The following NOTCH2NLC variants were observed in gnomAD, a reference collection of about 807,000 sequenced individuals.
NOTCH2NLC encodes the protein notch homolog 2 N-terminal-like protein C.
A neutral mutation model predicts 17.7 loss-of-function variants in NOTCH2NLC; 4 were observed. That is an observed-to-expected ratio of 0.23 (90% CI 0.11 to 0.52). The LOEUF (loss-of-function observed/expected upper bound fraction) is 0.52. Among genes scored for constraint, NOTCH2NLC ranks in the 20% least tolerant of loss-of-function variants. The pLI, the probability that NOTCH2NLC is intolerant of heterozygous loss-of-function variation, is 0.96. For missense variants in NOTCH2NLC, 57 were observed against 207.2 expected, an observed-to-expected ratio of 0.28 and a Z score of 4.45; for synonymous variants, 18 against 86.0, an observed-to-expected ratio of 0.21 and a Z score of 4.38.
At chr1:149,431,572 TA>T (rs1218280360) in intron 2 of NOTCH2NLC, among the ~76,000 whole-genome samples, 1 of 136,022 alleles carries the variant, frequency 7.4e-6, no homozygotes, top group Non-Finnish European at 1.6e-5. Context: ...TAAAAAAAAA[TA>T]AAAAAATGTA....
At chr1:149,444,968 G>C (rs1247379982) in intron 2 of NOTCH2NLC, among the ~76,000 whole-genome samples, 3 of 149,950 alleles carry the variant, frequency 2.0e-5, no homozygotes, top group Admixed American at 1.3e-4. Flanking sequence ...TTGAGAAAAG[G>C]GGGGGTTGAG....
At chr1:149,422,805 TAAG>T (rs1246647553) in intron 1 of NOTCH2NLC, among the ~76,000 whole-genome samples, 1 of 120,822 alleles carries the variant, frequency 8.3e-6, no homozygotes, top group African/African-American at 3.2e-5. Flanking sequence ...AAGTCTTTAA[TAAG>T]AGAAAAATAA....
chr1:149,412,899 T>C (rs1224439526), intron 1 of NOTCH2NLC, among the ~76,000 whole-genome samples: 1 of 99,800 alleles, frequency 1.0e-5, no homozygotes, highest in Non-Finnish European at 2.0e-5. Context: ...GATGACTGAC[T>C]TTTTTTTTTT....
chr1:149,445,759 G>A (rs1264033921), intron 2 of NOTCH2NLC, among the ~76,000 whole-genome samples: 4 of 149,848 alleles, frequency 2.7e-5, no homozygotes, highest in Admixed American at 6.6e-5. Flanking sequence ...TTTCCCCTTC[G>A]TTCCACATTC....
In NOTCH2NLC at chr1:149,471,533, G is replaced by A. The variant is rs1170190346; in HGVS notation, c.*7380G>A. ...TTCTTTTACATGTGGATATTTAGTT[G>A]TCCCAGGACCATTTGTTGAATTAAG... On this transcript the variant is annotated 3_prime_UTR_variant, in exon 5 of 5. Coordinates refer to ENST00000650865, the MANE Select transcript of NOTCH2NLC (RefSeq NM_001364013.2). Among the ~76,000 whole-genome samples the A allele has an allele frequency of 2.0e-5, 3 of 150,322 alleles. No individual in the cohort carries two copies. Among genetic ancestry groups the A allele is most frequent in the Non-Finnish European group, 3.0e-5 (2 of 67,424 alleles).
At chr1:149,449,724 C>G (rs2084580823) in intron 2 of NOTCH2NLC, among the ~76,000 whole-genome samples, 1 of 151,288 alleles carries the variant, frequency 6.6e-6, no homozygotes. Context: ...AGACCACCAC[C>G]ATTATCTAAT....
At chr1:149,444,986 T>G (rs1425228588) in intron 2 of NOTCH2NLC, among the ~76,000 whole-genome samples, 1 of 149,022 alleles carries the variant, frequency 6.7e-6, no homozygotes, top group Non-Finnish European at 1.5e-5. Context: ...GAGAGTAGAG[T>G]GGGAATGGCA....
rs1389074972 is a variant in NOTCH2NLC at position 149,390,771 on chromosome 1, A to G, written c.-17A>G. 8 of 1,158,892 alleles carry G rather than the reference A, an allele frequency of 6.9e-6. No homozygotes were observed. Among genetic ancestry groups the G allele is most frequent in the Non-Finnish European group, 8.5e-6 (8 of 944,814 alleles). The allele number at this position is 1,158,892 out of a possible 1,614,324, so 71.8% of individuals were successfully genotyped here. A position where few individuals can be genotyped will look rare whatever the true frequency, so the allele number is the denominator to read the frequency against. ...GGGGAGGAGAGAGTGGGGCTCCTCT[A>G]TCGGGACCCCCTCCCCATGTGGATC... On this transcript the variant is annotated 5_prime_UTR_variant, in exon 1 of 5. Transcript: ENST00000650865.
At chr1:149,457,701 G>T (rs1445807945) in intron 3 of NOTCH2NLC, among the ~76,000 whole-genome samples, 55 of 145,376 alleles carry the variant, frequency 3.8e-4, no homozygotes, top group African/African-American at 1.4e-3. Context: ...CATCCAGCAC[G>T]GGAAAAAGAT....
At chr1:149,442,046 C>G (rs2084522508) in intron 2 of NOTCH2NLC, among the ~76,000 whole-genome samples, 1 of 147,730 alleles carries the variant, frequency 6.8e-6, no homozygotes, top group Non-Finnish European at 1.5e-5. Context: ...ATACACACTT[C>G]AGTCAGTTTT....
intron 1 of NOTCH2NLC, among the ~76,000 whole-genome samples, chr1:149,401,013 G>A (rs2084242668): frequency 6.7e-6 from 1 of 150,320 alleles, no homozygotes; most frequent in Admixed American, 6.6e-5. Flanking sequence ...TGTTGTTTTG[G>A]CAACCCATGG....
intron 2 of NOTCH2NLC, among the ~76,000 whole-genome samples, chr1:149,448,692 T>C (rs1463561290): frequency 1.3e-5 from 2 of 150,704 alleles, no homozygotes; most frequent in Admixed American, 6.6e-5. Flanking sequence ...AAGGTCATGG[T>C]TCAGCTCTGT....
rs1463538560 is a variant in NOTCH2NLC at position 149,466,318 on chromosome 1, G to C, written c.*2165G>C. 1 of 147,708 alleles carries C rather than the reference G, an allele frequency of 6.8e-6. No homozygotes were observed. The highest frequency in any genetic ancestry group is 1.5e-5 in the Non-Finnish European group (1 of 66,622). The allele number at this position is 147,708 out of a possible 1,614,324, so 9.1% of individuals were successfully genotyped here. A position where few individuals can be genotyped will look rare whatever the true frequency, so the allele number is the denominator to read the frequency against. On this transcript the variant is annotated 3_prime_UTR_variant, in exon 5 of 5. Coordinates refer to ENST00000650865, the MANE Select transcript of NOTCH2NLC (RefSeq NM_001364013.2). ...CGCATTGTGCAGATGTTTAAAAGTA[G>C]TTACATAGACTAGTTCTTGCTTTTC...
intron 2 of NOTCH2NLC, among the ~76,000 whole-genome samples, chr1:149,448,539 G>C (rs1346684471): frequency 1.4e-5 from 2 of 141,180 alleles, no homozygotes; most frequent in African/African-American, 5.2e-5. Context: ...ATAGCACATA[G>C]TAGTATTTTG....
rs878889477 is a variant in NOTCH2NLC at position 149,462,833 on chromosome 1, ATTTTTTTTTTTT to A, written c.470-649_470-638del. On this transcript the variant is annotated intron_variant, in intron 3 of 4. Coordinates refer to ENST00000650865, the MANE Select transcript of NOTCH2NLC (RefSeq NM_001364013.2). ...CACTAGGAAAACAGACGGGAAGTTG[ATTTTTTTTTTTT>A]TTTTTTTTGAAATGGAGTCTTGCTG... is the stretch of plus-strand genomic sequence containing the variant. Among the ~76,000 whole-genome samples, 92 of 117,068 alleles carry A rather than the reference ATTTTTTTTTTTT, an allele frequency of 7.9e-4. 3 individuals carry two copies. The South Asian group carries it at 0.021, about 27-fold the overall frequency. 76.8% of individuals were successfully genotyped at this position (117,068 alleles called of 152,430 possible).
At chr1:149,399,203 G>T (rs2084229529) in intron 1 of NOTCH2NLC, among the ~76,000 whole-genome samples, 1 of 150,952 alleles carries the variant, frequency 6.6e-6, no homozygotes, top group Non-Finnish European at 1.5e-5. Context: ...TAAAATTGTT[G>T]TTTGCTTCTT....
At chr1:149,460,871 CTTTCTTTCTTT>C (rs2084642780) in intron 3 of NOTCH2NLC, among the ~76,000 whole-genome samples, 1 of 52,846 alleles carries the variant, frequency 1.9e-5, no homozygotes, top group South Asian at 5.9e-4. Context: ...TTCTTTCTTT[CTTTCTTTCTTT>C]CTTTCTTTCT....
intron 3 of NOTCH2NLC, among the ~76,000 whole-genome samples, chr1:149,462,123 A>C: frequency 6.9e-6 from 1 of 145,850 alleles, no homozygotes; most frequent in Admixed American, 6.8e-5. Flanking sequence ...CTAGAACTTA[A>C]AGTATAATAA....
chr1:149,433,975 T>A, intron 2 of NOTCH2NLC, among the ~76,000 whole-genome samples: 2 of 143,100 alleles, frequency 1.4e-5, no homozygotes, highest in Non-Finnish European at 1.5e-5. Context: ...AAAATGGAGC[T>A]GCCTAAATTC....
Sources: allele counts gnomAD v4.1 joint callset (sites outside exome capture counted in the v4.1 genomes callset), GRCh38; gene constraint gnomAD v4.1.1; transcripts MANE v1.5; gene names NCBI Gene and HGNC (gene_info 2026-07-23, HGNC 2026-07-21).